The following RGL1 variants were observed in gnomAD, a reference collection of about 807,000 sequenced individuals.
The protein encoded by RGL1 is ral guanine nucleotide dissociation stimulator-like 1.
Under a neutral mutation model 95.2 loss-of-function variants are expected in RGL1, and 24 were observed. That is an observed-to-expected ratio of 0.25 (90% CI 0.18 to 0.35). The LOEUF is 0.35. RGL1 is among the 10% of genes least tolerant of loss of function. The pLI is 1.00. For missense variants in RGL1, 715 were observed against 936.3 expected (o/e 0.76, Z 3.08); for synonymous variants, 329 against 344.9 (o/e 0.95, Z 0.51).
chr1:183,880,151 C>G (rs1341029001), intron 4 of RGL1, among the ~76,000 whole-genome samples: 1 of 152,192 alleles, frequency 6.6e-6, no homozygotes, highest in Non-Finnish European at 1.5e-5. Flanking sequence ...ATGCATTTAT[C>G]TTTCCACACT....
intron 2 of RGL1, among the ~76,000 whole-genome samples, chr1:183,758,022 C>T (rs1393361950): frequency 1.3e-5 from 2 of 152,190 alleles, no homozygotes; most frequent in African/African-American, 4.8e-5. Context: ...CTCTGCAATG[C>T]CCATGTGAAC....
At chr1:183,777,491 T>C (rs1345606034) in intron 2 of RGL1, among the ~76,000 whole-genome samples, 1 of 152,230 alleles carries the variant, frequency 6.6e-6, no homozygotes, top group Non-Finnish European at 1.5e-5. Context: ...GACAGTCATT[T>C]GCAATGTCTC....
At chr1:183,730,160 G>A (rs914716182) in intron 1 of RGL1, among the ~76,000 whole-genome samples, 1 of 152,090 alleles carries the variant, frequency 6.6e-6, no homozygotes, top group East Asian at 1.9e-4. Flanking sequence ...TTTTTGAGGG[G>A]CAACATCTTG....
chr1:183,817,845 G>A (rs747415100), intron 2 of RGL1, among the ~76,000 whole-genome samples: 1 of 152,192 alleles, frequency 6.6e-6, no homozygotes, highest in African/African-American at 2.4e-5. Context: ...CAATGGTACT[G>A]TGACCATTTG....
rs1054588234 is a variant in RGL1 at position 183,805,160 on chromosome 1, C to G, written c.-138C>G. 4 of 1,148,908 alleles carry G rather than the reference C, an allele frequency of 3.5e-6. No homozygotes were observed. Among genetic ancestry groups the G allele is most frequent in the Non-Finnish European group, 3.4e-6 (3 of 891,038 alleles). The allele number at this position is 1,148,908 out of a possible 1,614,324, so 71.2% of individuals were successfully genotyped here. On this transcript the variant is annotated 5_prime_UTR_variant, in exon 1 of 18. Coordinates refer to ENST00000360851, the MANE Select transcript of RGL1 (RefSeq NM_001297671.3). ...CGCACCGGCGGCGGCGGGGGCAGCG[C>G]GGCGCGTGTCTGTGCGCTGCGGTCG... is the stretch of plus-strand genomic sequence containing the variant.
At position 183,737,564 on chromosome 1, in the gene RGL1, A is replaced by G. The variant is rs1173033016; in HGVS notation, c.-32-4562A>G. ...CAGGTGAGACCAGCCTGGGCAACAT[A>G]GTGAGATTCTATCTCTACAAAAAAA... On this transcript the variant is annotated intron_variant, in intron 1 of 18. Transcript: ENST00000304685. 2.1e-5 allele frequency among the ~76,000 whole-genome samples: 3 copies of G among 146,176 alleles called. No individual in the cohort carries two copies. The East Asian group carries it at 6.2e-4, about 30-fold the overall frequency.
chr1:183,823,611 T>A (rs1023352754), intron 2 of RGL1, among the ~76,000 whole-genome samples: 7 of 152,198 alleles, frequency 4.6e-5, no homozygotes, highest in African/African-American at 7.2e-5. Flanking sequence ...TGACATCTGA[T>A]TTGGATACAT....
At chr1:183,919,537 G>T (rs57379552) in intron 16 of RGL1, among the ~76,000 whole-genome samples, 269 of 152,310 alleles carry the variant, frequency 1.8e-3, no homozygotes, top group African/African-American at 6.4e-3. Flanking sequence ...GCCATAGATT[G>T]CACACTGAGA....
chr1:183,711,543 C>G (rs373838453), intron 1 of RGL1, among the ~76,000 whole-genome samples: 2 of 152,056 alleles, frequency 1.3e-5, no homozygotes. Context: ...TCTTTCCAAC[C>G]GCCTCTTAAG....
chr1:183,832,381 A>G (rs912527744), intron 2 of RGL1, among the ~76,000 whole-genome samples: 5 of 152,192 alleles, frequency 3.3e-5, no homozygotes, highest in Non-Finnish European at 5.9e-5. Context: ...TATTCAGGTG[A>G]ATGTGGTAAT....
intron 3 of RGL1, among the ~76,000 whole-genome samples, chr1:183,865,103 A>T (rs752012896): frequency 6.6e-6 from 1 of 152,240 alleles, no homozygotes; most frequent in Non-Finnish European, 1.5e-5. Flanking sequence ...TCTAGGCATT[A>T]TAAGTTAATT....
chr1:183,875,151 T>C (rs1191820318), intron 4 of RGL1, among the ~76,000 whole-genome samples: 1 of 152,238 alleles, frequency 6.6e-6, no homozygotes, highest in Non-Finnish European at 1.5e-5. Context: ...TATTTTCTGC[T>C]GATGATTAAG....
chr1:183,738,454 A>C (rs1657082513), intron 1 of RGL1, among the ~76,000 whole-genome samples: 1 of 152,110 alleles, frequency 6.6e-6, no homozygotes, highest in South Asian at 2.1e-4. Flanking sequence ...AGAAGTCAGC[A>C]GTTCAACTAT....
At chr1:183,865,614 A>G (rs1167311204) in intron 3 of RGL1, among the ~76,000 whole-genome samples, 1 of 152,208 alleles carries the variant, frequency 6.6e-6, no homozygotes, top group East Asian at 1.9e-4. Flanking sequence ...TTGCATAGAC[A>G]TGCAGAGGGG....
intron 1 of RGL1, chr1:183,648,682 G>T: frequency 6.2e-7 from 1 of 1,614,118 alleles, no homozygotes; most frequent in African/African-American, 1.3e-5. Flanking sequence ...GTTCGAATAT[G>T]GTAAGGACAA....
chr1:183,804,340 C>G (rs546800693), upstream of RGL1, among the ~76,000 whole-genome samples: 21 of 152,174 alleles, frequency 1.4e-4, 1 homozygote, highest in South Asian at 4.1e-3. Flanking sequence ...TTGCTGTTGA[C>G]TTGTTAAAAC....
At chr1:183,678,520 A>G (rs899050847) in intron 1 of RGL1, among the ~76,000 whole-genome samples, 8 of 152,132 alleles carry the variant, frequency 5.3e-5, no homozygotes, top group African/African-American at 1.9e-4. Flanking sequence ...GCCAACACAT[A>G]TTAACTTTAA....
intron 2 of RGL1, among the ~76,000 whole-genome samples, chr1:183,811,942 T>C (rs960121221): frequency 1.3e-5 from 2 of 152,262 alleles, no homozygotes; most frequent in African/African-American, 4.8e-5. Flanking sequence ...CTTGGAGTTT[T>C]ACTCTTAGAA....
intron 1 of RGL1, among the ~76,000 whole-genome samples, chr1:183,643,262 T>TTTTATTTATTTATTTA (rs374025637): frequency 2.2e-4 from 30 of 136,492 alleles, no homozygotes; most frequent in Admixed American, 3.6e-4. Flanking sequence ...GGTCCTGTTT[T>TTTTATTTATTTATTTA]TTTATTTATT....
Sources: allele counts gnomAD v4.1 joint callset (sites outside exome capture counted in the v4.1 genomes callset), GRCh38; gene constraint gnomAD v4.1.1; transcripts MANE v1.5; gene names NCBI Gene and HGNC (gene_info 2026-07-23, HGNC 2026-07-21).